GRM8: variants seen among roughly 807,000 people sequenced by gnomAD.
The protein encoded by GRM8 is metabotropic glutamate receptor 8.
A neutral mutation model predicts 87.2 loss-of-function variants in GRM8; 47 were observed. The ratio of observed to expected loss-of-function variants is 0.54; its 90% CI spans 0.43 to 0.69. The LOEUF is 0.69. Among genes scored for constraint, GRM8 ranks in the 30% least tolerant of loss-of-function variants. The probability of loss-of-function intolerance (pLI) is 0.00; values close to 1 mark genes in which losing one functional copy is unlikely to be tolerated. For missense variants in GRM8, 1,019 were observed against 1,139.2 expected (o/e 0.89, Z 1.52); for synonymous variants, 396 against 404.5 (o/e 0.98, Z 0.25).
intron 8 of GRM8, among the ~76,000 whole-genome samples, chr7:126,576,190 A>T (rs1795100323): frequency 6.6e-6 from 1 of 152,220 alleles, no homozygotes; most frequent in Non-Finnish European, 1.5e-5. Context: ...ATATTTCTTG[A>T]TGTCACTCAC....
chr7:126,844,086 T>A (rs2130629419), intron 6 of GRM8, among the ~76,000 whole-genome samples: 1 of 152,340 alleles, frequency 6.6e-6, no homozygotes, highest in Middle Eastern at 3.4e-3. Context: ...AGCTTTCAGA[T>A]AAGAACTTCT....
At chr7:126,643,320 A>ATG (rs1802669409) in intron 7 of GRM8, among the ~76,000 whole-genome samples, 1 of 8,748 alleles carries the variant, frequency 1.1e-4, no homozygotes, top group South Asian at 7.1e-3. Context: ...AAAAAAAAAA[A>ATG]TATATATATA....
chr7:126,650,157 A>G (rs1253728051), intron 7 of GRM8, among the ~76,000 whole-genome samples: 1 of 152,052 alleles, frequency 6.6e-6, no homozygotes, highest in Non-Finnish European at 1.5e-5. Flanking sequence ...CTACTCACAA[A>G]GTGGGTCATG....
intron 7 of GRM8, among the ~76,000 whole-genome samples, chr7:126,687,213 A>G (rs1436241020): frequency 6.6e-6 from 1 of 152,232 alleles, no homozygotes; most frequent in Non-Finnish European, 1.5e-5. Flanking sequence ...TCCTCTTGAT[A>G]GCCACTCTGA....
At chr7:127,083,028 C>A (rs1327130270) in intron 3 of GRM8, among the ~76,000 whole-genome samples, 4 of 152,158 alleles carry the variant, frequency 2.6e-5, no homozygotes, top group Non-Finnish European at 5.9e-5. Flanking sequence ...TCTGTTCAGT[C>A]CTTCACCTGA....
At chr7:126,555,699 G>C (rs1366376203) in intron 8 of GRM8, among the ~76,000 whole-genome samples, 1 of 152,154 alleles carries the variant, frequency 6.6e-6, no homozygotes, top group East Asian at 1.9e-4. Flanking sequence ...TGTTACTGTT[G>C]TTCAAACTTT....
At position 127,125,765 on chromosome 7, in the gene GRM8, AAC is replaced by A. The variant is rs375563287; in HGVS notation, c.511-19055_511-19054del. Among the ~76,000 whole-genome samples, 808 of 141,054 alleles carry A rather than the reference AAC, an allele frequency of 5.7e-3. 4 individuals are homozygous for A. The highest frequency in any genetic ancestry group is 8.7e-3 in the Admixed American group (123 of 14,182). The allele number at this position is 141,054 out of a possible 152,430, so 92.5% of individuals were successfully genotyped here. On this transcript the variant is annotated intron_variant, in intron 2 of 10. Transcript: ENST00000339582. ...AATTTATAAGGAACTCAAACAACTA[AAC>A]ACACACACACACACACACACACACA...
intron 9 of GRM8, among the ~76,000 whole-genome samples, chr7:126,499,030 T>A (rs993884025): frequency 6.6e-6 from 1 of 151,936 alleles, no homozygotes; most frequent in African/African-American, 2.4e-5. Flanking sequence ...GGAGAACAGA[T>A]GTGAAATTTG....
intron 8 of GRM8, among the ~76,000 whole-genome samples, chr7:126,540,828 C>T (rs1816447594): frequency 6.6e-6 from 1 of 152,126 alleles, no homozygotes; most frequent in South Asian, 2.1e-4. Flanking sequence ...ATGAACTAAA[C>T]TTAGATATTG....
At chr7:127,109,259 A>G (rs536345077) in intron 2 of GRM8, among the ~76,000 whole-genome samples, 1 of 152,352 alleles carries the variant, frequency 6.6e-6, no homozygotes, top group Admixed American at 6.5e-5. Flanking sequence ...GAAAGGAAAA[A>G]GAAGAAAAGC....
At chr7:126,730,211 A>G (rs1186218498) in intron 7 of GRM8, among the ~76,000 whole-genome samples, 1 of 152,208 alleles carries the variant, frequency 6.6e-6, no homozygotes, top group Non-Finnish European at 1.5e-5. Flanking sequence ...TGTGTCAAAG[A>G]AATAGTACTA....
chr7:126,708,530 T>C (rs2151420478), intron 7 of GRM8, among the ~76,000 whole-genome samples: 1 of 150,520 alleles, frequency 6.6e-6, no homozygotes, highest in African/African-American at 2.4e-5. Flanking sequence ...TATATATCTA[T>C]ATATATGATT....
At chr7:127,152,672 T>G (rs551085500) in intron 2 of GRM8, among the ~76,000 whole-genome samples, 17 of 152,286 alleles carry the variant, frequency 1.1e-4, no homozygotes, top group African/African-American at 4.1e-4. Context: ...TTTGCCAATT[T>G]GTTTTGAGCT....
intron 3 of GRM8, among the ~76,000 whole-genome samples, chr7:127,088,475 T>C (rs1823725761): frequency 6.6e-6 from 1 of 152,190 alleles, no homozygotes; most frequent in African/African-American, 2.4e-5. Flanking sequence ...CCAAAACTAT[T>C]TCTGATGAAT....
At chr7:127,001,413 T>C (rs930946711) in intron 3 of GRM8, among the ~76,000 whole-genome samples, 4 of 151,610 alleles carry the variant, frequency 2.6e-5, no homozygotes, top group Admixed American at 1.3e-4. Context: ...CTTAATAACC[T>C]GAATCTTAGC....
intron 6 of GRM8, among the ~76,000 whole-genome samples, chr7:126,784,075 G>C (rs1820374506): frequency 6.6e-6 from 1 of 152,104 alleles, no homozygotes; most frequent in Non-Finnish European, 1.5e-5. Context: ...TTACATATAA[G>C]CTAATTATAG....
chr7:127,061,363 C>T (rs966421126), intron 3 of GRM8, among the ~76,000 whole-genome samples: 1 of 150,724 alleles, frequency 6.6e-6, no homozygotes, highest in East Asian at 2.0e-4. Flanking sequence ...TTAACTAATA[C>T]AAACTACAAC....
At chr7:126,784,267 A>T (rs1365636625) in intron 6 of GRM8, among the ~76,000 whole-genome samples, 1 of 152,234 alleles carries the variant, frequency 6.6e-6, no homozygotes, top group Non-Finnish European at 1.5e-5. Flanking sequence ...AAACAAAAAA[A>T]AATTGAAAAC....
intron 7 of GRM8, among the ~76,000 whole-genome samples, chr7:126,633,692 A>T (rs959908101): frequency 3.3e-5 from 5 of 152,116 alleles, no homozygotes; most frequent in African/African-American, 1.2e-4. Flanking sequence ...TCCATGTCCA[A>T]AAATACAATT....
Sources: allele counts gnomAD v4.1 joint callset (sites outside exome capture counted in the v4.1 genomes callset), GRCh38; gene constraint gnomAD v4.1.1; transcripts MANE v1.5; gene names NCBI Gene and HGNC (gene_info 2026-07-23, HGNC 2026-07-21).